Variants in SP100 observed in about 807,000 individuals in gnomAD.
The protein encoded by SP100 is nuclear autoantigen Sp-100.
A neutral mutation model predicts 130.0 loss-of-function variants in SP100; 84 were observed. The observed-to-expected ratio is 0.65, with a 90% CI of 0.54 to 0.77. SP100 has a LOEUF of 0.77. Among genes scored for constraint, SP100 ranks in the 30% least tolerant of loss-of-function variants. The probability of loss-of-function intolerance (pLI) is 0.00; values close to 1 mark genes in which losing one functional copy is unlikely to be tolerated. For synonymous variants in SP100, 331 were observed against 351.7 expected (o/e 0.94, Z 0.66); for missense variants, 978 against 1,052.2 (o/e 0.93, Z 0.97).
At chr2:230,534,756 C>T (rs1691852714) in intron 24 of SP100, among the ~76,000 whole-genome samples, 1 of 152,140 alleles carries the variant, frequency 6.6e-6, no homozygotes, top group South Asian at 2.1e-4. Context: ...TTAATATATG[C>T]CATCAGTAAT....
chr2:230,459,858 C>CT (rs1367850912), intron 8 of SP100, among the ~76,000 whole-genome samples: 7 of 152,206 alleles, frequency 4.6e-5, no homozygotes, highest in Non-Finnish European at 1.5e-5. Flanking sequence ...GTTGATATGA[C>CT]TTTCCTGTTT....
intron 19 of SP100, 136 bp from the exon 20 acceptor site, chr2:230,502,930 A>G: frequency 1.6e-6 from 1 of 635,942 alleles, no homozygotes; most frequent in East Asian, 2.7e-5. Context: ...CCCTTTACAA[A>G]AAAAGTTCCC....
At chr2:230,514,961 G>A (rs1051372667) in intron 24 of SP100, 117 of 1,455,644 alleles carry the variant, frequency 8.0e-5, no homozygotes, top group South Asian at 1.3e-4. Context: ...TAGTGCTGGC[G>A]CAAGTGAGAG....
intron 8 of SP100, among the ~76,000 whole-genome samples, chr2:230,456,912 A>G (rs985638380): frequency 2.0e-5 from 3 of 152,128 alleles, no homozygotes; most frequent in Admixed American, 6.5e-5. Context: ...TGTTATCTCC[A>G]TTACTTTGGG....
intron 16 of SP100, 131 bp downstream of exon 16, chr2:230,473,571 C>A: frequency 1.8e-6 from 1 of 555,516 alleles, no homozygotes; most frequent in Non-Finnish European, 3.3e-6. Context: ...AGGAAGTGGG[C>A]CCACAGGCCC....
intron 2 of SP100, among the ~76,000 whole-genome samples, chr2:230,424,574 A>C (rs2062864353): frequency 6.6e-6 from 1 of 151,308 alleles, no homozygotes; most frequent in African/African-American, 2.4e-5. Flanking sequence ...AGGCTGAGGC[A>C]GGGAGAATTG....
At chr2:230,416,649 AC>A (rs1282727431) in intron 1 of SP100, 6 of 713,020 alleles carry the variant, frequency 8.4e-6, no homozygotes, top group Admixed American at 5.7e-5. Flanking sequence ...TGATCTGTGA[AC>A]CCTTTCACCC....
intron 2 of SP100, among the ~76,000 whole-genome samples, chr2:230,436,158 A>G (rs527392915): frequency 6.6e-6 from 1 of 152,252 alleles, no homozygotes; most frequent in African/African-American, 2.4e-5. Context: ...ATTTTCTTCA[A>G]TAAGATTTTT....
chr2:230,531,780 T>C (rs1180785566), intron 24 of SP100, among the ~76,000 whole-genome samples: 1 of 152,146 alleles, frequency 6.6e-6, no homozygotes, highest in Non-Finnish European at 1.5e-5. Context: ...AAATGTATAG[T>C]GGGTGTGGTG....
At chr2:230,470,703 G>A (rs539625037) in intron 15 of SP100, among the ~76,000 whole-genome samples, 316 of 152,162 alleles carry the variant, frequency 2.1e-3, no homozygotes, top group African/African-American at 7.1e-3. Flanking sequence ...AAGTATTAGG[G>A]CCAAAAAACT....
chr2:230,502,004 G>A (rs1316345449), intron 19 of SP100, among the ~76,000 whole-genome samples: 2 of 151,072 alleles, frequency 1.3e-5, no homozygotes, highest in African/African-American at 4.9e-5. Context: ...GAGTAGCTGG[G>A]ATTACAGGCA....
chr2:230,492,988 A>G lies in SP100; in HGVS notation c.1601-1428A>G, dbSNP rs141502496. Reference sequence around the variant, plus strand: ...GCCTACACCGCCCATTCAATTCTTTATTTATCTTTAAAGTCCAATAAATTT... The same window carrying G: ...GCCTACACCGCCCATTCAATTCTTTGTTTATCTTTAAAGTCCAATAAATTT... On this transcript the variant is annotated intron_variant, in intron 17 of 28. Transcript: ENST00000340126. Among the ~76,000 whole-genome samples the G allele has an allele frequency of 6.0e-4, 91 of 152,168 alleles. No homozygotes were observed. In the East Asian group the frequency reaches 0.017, roughly 28 times the overall value.
intron 2 of SP100, among the ~76,000 whole-genome samples, chr2:230,425,984 G>C (rs1251283375): frequency 6.6e-6 from 1 of 152,030 alleles, no homozygotes; most frequent in Non-Finnish European, 1.5e-5. Flanking sequence ...TTGATAGATT[G>C]TGTATTTCTA....
At chr2:230,440,693 C>A in intron 2 of SP100, 2 of 778,380 alleles carry the variant, frequency 2.6e-6, no homozygotes, top group Non-Finnish European at 3.5e-6. Flanking sequence ...AATTGACAAA[C>A]TGATTTGAAA....
At chr2:230,483,133 A>G (rs1042232539) in intron 17 of SP100, among the ~76,000 whole-genome samples, 2 of 152,234 alleles carry the variant, frequency 1.3e-5, no homozygotes, top group Non-Finnish European at 2.9e-5. Flanking sequence ...TCGAGCTTAC[A>G]TTCTACTTAG....
At chr2:230,503,970 G>A (rs1655966446) in intron 20 of SP100, among the ~76,000 whole-genome samples, 1 of 152,134 alleles carries the variant, frequency 6.6e-6, no homozygotes, top group Non-Finnish European at 1.5e-5. Context: ...CACATGCCAG[G>A]ATGTTGTGTC....
At chr2:230,504,873 C>T (rs1158054611) in intron 21 of SP100, among the ~76,000 whole-genome samples, 1 of 152,126 alleles carries the variant, frequency 6.6e-6, no homozygotes, top group Admixed American at 6.6e-5. Context: ...GATTACACAA[C>T]ATTTTAACAA....
intron 8 of SP100, among the ~76,000 whole-genome samples, chr2:230,459,473 G>T (rs1019995186): frequency 6.6e-6 from 1 of 152,110 alleles, no homozygotes; most frequent in Non-Finnish European, 1.5e-5. Flanking sequence ...AAGATCTGTT[G>T]ATTTCTAAAC....
intron 24 of SP100, among the ~76,000 whole-genome samples, chr2:230,535,992 G>A (rs2150112878): frequency 6.6e-6 from 1 of 150,940 alleles, no homozygotes; most frequent in East Asian, 1.9e-4. Flanking sequence ...TTTTCCCAGG[G>A]CTTTGACTGA....
Sources: allele counts gnomAD v4.1 joint callset (sites outside exome capture counted in the v4.1 genomes callset), GRCh38; gene constraint gnomAD v4.1.1; transcripts MANE v1.5; gene names NCBI Gene and HGNC (gene_info 2026-07-23, HGNC 2026-07-21).